The following CTNNA3 variants were observed in gnomAD, a reference collection of about 807,000 sequenced individuals.
CTNNA3 encodes catenin alpha 3.
A neutral mutation model predicts 95.7 loss-of-function variants in CTNNA3; 76 were observed. That is an observed-to-expected ratio of 0.79 (90% CI 0.66 to 0.96). The LOEUF (loss-of-function observed/expected upper bound fraction) is 0.96, where lower values mean the gene tolerates loss of function less well. Among genes scored for constraint, CTNNA3 ranks in the 40% least tolerant of loss-of-function variants. The pLI, the probability that CTNNA3 is intolerant of heterozygous loss-of-function variation, is 0.00. For missense variants in CTNNA3, 1,191 were observed against 1,089.8 expected (o/e 1.09, Z -1.31); for synonymous variants, 431 against 374.4 (o/e 1.15, Z -1.74).
chr10:66,789,986 G>A (rs1361012247), intron 7 of CTNNA3, among the ~76,000 whole-genome samples: 1 of 152,040 alleles, frequency 6.6e-6, no homozygotes, highest in Non-Finnish European at 1.5e-5. Flanking sequence ...AGGAGTGAAG[G>A]GAAAATATAT....
chr10:66,342,982 T>A (rs10740238), intron 12 of CTNNA3, among the ~76,000 whole-genome samples: 55,064 of 151,728 alleles, frequency 0.36, 11,413 homozygotes, highest in Non-Finnish European at 0.46. Flanking sequence ...GAGGTCACCA[T>A]TTCACATATA....
At chr10:66,520,554 G>A (rs542206373) in intron 11 of CTNNA3, 63 bp downstream of exon 11, 1 of 1,466,770 alleles carries the variant, frequency 6.8e-7, no homozygotes. Context: ...GCCTGTCCCA[G>A]TATTATTCTA....
At chr10:66,808,259 A>G (rs1003656338) in intron 7 of CTNNA3, among the ~76,000 whole-genome samples, 7 of 152,182 alleles carry the variant, frequency 4.6e-5, no homozygotes, top group Admixed American at 2.6e-4. Flanking sequence ...ATAAAGAAGG[A>G]TATGTCCCTG....
chr10:66,072,891 C>T (rs2080470790), intron 14 of CTNNA3, among the ~76,000 whole-genome samples: 2 of 152,124 alleles, frequency 1.3e-5, no homozygotes, highest in African/African-American at 4.8e-5. Flanking sequence ...CTATGCACCA[C>T]ATTATGTTCT....
At chr10:66,143,841 C>T (rs930036934) in intron 13 of CTNNA3, among the ~76,000 whole-genome samples, 1 of 152,166 alleles carries the variant, frequency 6.6e-6, no homozygotes, top group Non-Finnish European at 1.5e-5. Flanking sequence ...TTACAATTTT[C>T]AGAGTCTGAT....
At chr10:66,056,828 T>C (rs530736146) in intron 15 of CTNNA3, among the ~76,000 whole-genome samples, 79 of 152,284 alleles carry the variant, frequency 5.2e-4, no homozygotes, top group Admixed American at 7.8e-4. Flanking sequence ...AATGTATAAA[T>C]GAACAATGGC....
At chr10:66,256,431 A>C (rs2090776105) in intron 13 of CTNNA3, among the ~76,000 whole-genome samples, 1 of 152,186 alleles carries the variant, frequency 6.6e-6, no homozygotes, top group Non-Finnish European at 1.5e-5. Context: ...CAAAAATAAA[A>C]AAGGTGCTTG....
At chr10:66,710,655 A>T (rs1224785679) in intron 9 of CTNNA3, among the ~76,000 whole-genome samples, 1 of 151,956 alleles carries the variant, frequency 6.6e-6, no homozygotes, top group East Asian at 1.9e-4. Context: ...TAAAGCATTC[A>T]TAATTATATA....
rs193182673 is a variant in CTNNA3 at position 66,020,828 on chromosome 10, T to G, written c.2160-32031A>C. Among the ~76,000 whole-genome samples, 4 of 151,998 alleles carry G rather than the reference T, an allele frequency of 2.6e-5. No individual in the cohort carries two copies. The East Asian group carries it at 7.7e-4, about 29-fold the overall frequency. ...CTGGGACTACAGGCACCTGCCACCA[T>G]ACCCAGCTAATTTTTTTTGTATTTT... On this transcript the variant is annotated intron_variant, in intron 15 of 17. Coordinates refer to ENST00000433211, the MANE Select transcript of CTNNA3 (RefSeq NM_013266.4).
At chr10:66,431,506 T>A (rs12247075) in intron 11 of CTNNA3, among the ~76,000 whole-genome samples, 17,761 of 151,868 alleles carry the variant, frequency 0.12, 1,510 homozygotes, top group African/African-American at 0.24. Context: ...CAAATGTCCA[T>A]CAATGATAGA....
At chr10:65,970,412 A>C (rs2078069636) in intron 16 of CTNNA3, among the ~76,000 whole-genome samples, 1 of 152,006 alleles carries the variant, frequency 6.6e-6, no homozygotes, top group African/African-American at 2.4e-5. Flanking sequence ...TAGGATCAAA[A>C]TCTTGCATAT....
At chr10:66,926,356 G>T in intron 7 of CTNNA3, 2 of 602,926 alleles carry the variant, frequency 3.3e-6, no homozygotes. Flanking sequence ...GGAAGATTTT[G>T]ATGTTTTGCT....
rs931079500 is a variant in CTNNA3 at position 66,927,307 on chromosome 10, C to A, written c.1048-151783G>T. On this transcript the variant is annotated intron_variant, in intron 7 of 17. Coordinates refer to ENST00000433211, the MANE Select transcript of CTNNA3 (RefSeq NM_013266.4). This position sits in a 1 kb window ranked among gnomAD's most constrained non-coding sequence, Gnocchi z 4.7. The stretch of plus-strand genomic sequence containing the variant: ...CTATTTTCTTAACAATACCTTCAGA[C>A]CTGTGACAAATTTACGGAACTTGGA... The A allele has an allele frequency of 2.5e-6, 4 of 1,614,014 alleles. No individual in the cohort carries two copies. Among genetic ancestry groups the A allele is most frequent in the African/African-American group, 1.3e-5 (1 of 74,914 alleles).
At chr10:66,432,656 C>T (rs1282799857) in intron 11 of CTNNA3, among the ~76,000 whole-genome samples, 1 of 132,688 alleles carries the variant, frequency 7.5e-6, no homozygotes, top group Non-Finnish European at 1.6e-5. Flanking sequence ...GCGAGACCAT[C>T]TCACAGAAAA....
chr10:66,299,787 G>T (rs949407557), intron 12 of CTNNA3, among the ~76,000 whole-genome samples: 14 of 152,132 alleles, frequency 9.2e-5, no homozygotes, highest in Non-Finnish European at 1.8e-4. Flanking sequence ...TTGAATATAT[G>T]CTTACTAAAA....
chr10:66,735,746 A>G (rs74141663), intron 9 of CTNNA3, among the ~76,000 whole-genome samples: 13,153 of 152,176 alleles, frequency 0.086, 664 homozygotes, highest in African/African-American at 0.14. Context: ...AGAGGATATT[A>G]TAGAAGAAAT....
intron 1 of CTNNA3, among the ~76,000 whole-genome samples, chr10:67,690,102 T>C (rs1006854057): frequency 2.0e-5 from 3 of 152,188 alleles, no homozygotes; most frequent in South Asian, 4.1e-4. Context: ...GATGTTCATA[T>C]GTGTCCGGAG....
At chr10:67,164,605 C>A (rs1191769433) in intron 7 of CTNNA3, among the ~76,000 whole-genome samples, 1 of 152,042 alleles carries the variant, frequency 6.6e-6, no homozygotes, top group African/African-American at 2.4e-5. Context: ...TCATTAGCTA[C>A]AAACTGCAAG....
At chr10:67,643,416 G>A (rs545894296) in intron 2 of CTNNA3, among the ~76,000 whole-genome samples, 23 of 152,038 alleles carry the variant, frequency 1.5e-4, no homozygotes, top group South Asian at 1.0e-3. Context: ...ACCATGGCAC[G>A]TGTTTACCTA....
Sources: allele counts gnomAD v4.1 joint callset (sites outside exome capture counted in the v4.1 genomes callset), GRCh38; gene constraint gnomAD v4.1.1; non-coding constraint Gnocchi (gnomAD v3.1); transcripts MANE v1.5; gene names NCBI Gene and HGNC (gene_info 2026-07-23, HGNC 2026-07-21).